TMEM130: variants seen among roughly 807,000 people sequenced by gnomAD.
TMEM130 encodes transmembrane protein 130.
Under a neutral mutation model 42.9 loss-of-function variants are expected in TMEM130, and 37 were observed. The ratio of observed to expected loss-of-function variants is 0.86; its 90% CI spans 0.66 to 1.13. The LOEUF (loss-of-function observed/expected upper bound fraction) is 1.13. Among genes scored for constraint, TMEM130 ranks in the 50% most tolerant of loss-of-function variants. TMEM130 has a pLI of 0.00. For missense variants in TMEM130, 545 were observed against 562.6 expected, an observed-to-expected ratio of 0.97 and a Z score of 0.32; for synonymous variants, 259 against 237.7, an observed-to-expected ratio of 1.09 and a Z score of -0.82.
chr7:98,869,271 C>G lies in TMEM130; in HGVS notation c.85+506G>C. Reference sequence around the variant, plus strand: ...ACCAGAGAGGAAATGGCAGCCTGGCCTCCTGGGCTCTAAATTCGCATCTCC... The same window carrying G: ...ACCAGAGAGGAAATGGCAGCCTGGCGTCCTGGGCTCTAAATTCGCATCTCC... On this transcript the variant is annotated intron_variant, in intron 1 of 7. Coordinates refer to ENST00000339375, the MANE Select transcript of TMEM130 (RefSeq NM_152913.3). The surrounding 1 kb of genome is among the most constrained non-coding windows in gnomAD (Gnocchi z 4.7). 1 of 1,288,558 alleles carries G rather than the reference C, an allele frequency of 7.8e-7. No individual in the cohort carries two copies. The highest frequency in any genetic ancestry group is 1.0e-6 in the Non-Finnish European group (1 of 988,562). 79.8% of individuals were successfully genotyped at this position (1,288,558 alleles called of 1,614,324 possible).
At chr7:98,850,250 C>CATATATATATATATAT (rs1179088568) in intron 6 of TMEM130, among the ~76,000 whole-genome samples, 7 of 64,354 alleles carry the variant, frequency 1.1e-4, no homozygotes, top group Admixed American at 4.3e-4. Flanking sequence ...CTGTCTCTCT[C>CATATATATATATATAT]ATATATATAT....
chr7:98,855,174 G>T, intron 5 of TMEM130, 66 bp downstream of exon 5: 1 of 1,429,324 alleles, frequency 7.0e-7, no homozygotes, highest in Non-Finnish European at 9.7e-7. Context: ...ACAGACTTGG[G>T]GTCATCGTGA....
intron 2 of TMEM130, among the ~76,000 whole-genome samples, chr7:98,860,737 G>A (rs1794752847): frequency 6.6e-6 from 1 of 151,902 alleles, no homozygotes; most frequent in Non-Finnish European, 1.5e-5. Context: ...AAGGTCAAGA[G>A]TTCAAGACCA....
chr7:98,850,267 A>ATTT (rs1161479294), intron 6 of TMEM130, among the ~76,000 whole-genome samples: 20 of 28,830 alleles, frequency 6.9e-4, no homozygotes, highest in Non-Finnish European at 1.4e-3. Flanking sequence ...ATATATATAT[A>ATTT]TATATATTTT....
In TMEM130 at chr7:98,869,933, G is replaced by C; in HGVS notation, c.-72C>G. 1 of 1,116,932 alleles carries C rather than the reference G, an allele frequency of 9.0e-7. No individual in the cohort carries two copies. Among genetic ancestry groups the C allele is most frequent in the Non-Finnish European group, 1.1e-6 (1 of 873,050 alleles). The allele number at this position is 1,116,932 out of a possible 1,614,324, so 69.2% of individuals were successfully genotyped here. ...GCAGCTGGAGCTCGAGAACTGCGGC[G>C]GTCGCTCCTCCGGGCGCGCAGCGCG... On this transcript the variant is annotated 5_prime_UTR_variant, in exon 1 of 8. Coordinates refer to ENST00000339375, the MANE Select transcript of TMEM130 (RefSeq NM_152913.3). This position sits in a 1 kb window ranked among gnomAD's most constrained non-coding sequence, Gnocchi z 4.7.
chr7:98,857,818 CGGTTCA>C (rs1794670576), intron 3 of TMEM130, among the ~76,000 whole-genome samples: 1 of 150,750 alleles, frequency 6.6e-6, no homozygotes, highest in Admixed American at 6.6e-5. Context: ...TCCTCCTACC[CGGTTCA>C]AACGATTCTC....
intron 6 of TMEM130, among the ~76,000 whole-genome samples, chr7:98,850,273 A>ATATATATATATATATATTTT: frequency 2.8e-5 from 1 of 35,450 alleles, no homozygotes; most frequent in Non-Finnish European, 6.3e-5. Context: ...ATATATATAT[A>ATATATATATATATATATTTT]TTTTTTTTTT....
At chr7:98,860,031 T>C (rs1433201797) in intron 3 of TMEM130, 148 bp downstream of exon 3, 11 of 599,574 alleles carry the variant, frequency 1.8e-5, no homozygotes, top group African/African-American at 1.6e-4. Context: ...ATGGTACTAC[T>C]GCACTCCAGC....
intron 5 of TMEM130, among the ~76,000 whole-genome samples, chr7:98,854,032 GTT>G (rs199894194): frequency 9.6e-6 from 1 of 104,480 alleles, no homozygotes; most frequent in South Asian, 4.2e-4. Flanking sequence ...TTGTTTTTTG[GTT>G]TTTTTTTGTT....
rs566383915 is a variant in TMEM130 at position 98,849,054 on chromosome 7, A to C, written c.1007-359T>G. Among the ~76,000 whole-genome samples the C allele has an allele frequency of 2.0e-5, 3 of 152,202 alleles. No homozygotes were observed. The South Asian group carries it at 6.2e-4, about 32-fold the overall frequency. On this transcript the variant is annotated intron_variant, in intron 6 of 7. Transcript: ENST00000339375. Reference sequence around the variant, plus strand: ...ATGACTCCTGAGTCTAAGCCATAAGAGACACCACAGCTCCCTCTTTGCTCT... The same window carrying C: ...ATGACTCCTGAGTCTAAGCCATAAGCGACACCACAGCTCCCTCTTTGCTCT...
At chr7:98,851,336 G>A (rs1794498728) in intron 6 of TMEM130, 85 bp downstream of exon 6, 1 of 1,391,932 alleles carries the variant, frequency 7.2e-7, no homozygotes, top group East Asian at 2.3e-5. Context: ...AGGCTGGCTG[G>A]TAGGAGCGTA....
In TMEM130 at chr7:98,860,164, G is replaced by T; in HGVS notation, c.551+15C>A. On this transcript the variant is annotated intron_variant, in intron 3 of 7. Transcript: ENST00000339375. ...CAGTGACAGCTGTAGGGCCTGCAGA[G>T]GGGTAAGGACCTACCCGTCCCCGAA... 6.2e-7 allele frequency: 1 copy of T among 1,608,586 alleles called. No individual in the cohort carries two copies. Among genetic ancestry groups the T allele is most frequent in the South Asian group, 1.1e-5 (1 of 89,904 alleles).
At chr7:98,858,734 C>T (rs1407951248) in intron 3 of TMEM130, among the ~76,000 whole-genome samples, 1 of 152,038 alleles carries the variant, frequency 6.6e-6, no homozygotes, top group Non-Finnish European at 1.5e-5. Context: ...TGCCTGTAAT[C>T]CCAGCCACTC....
At chr7:98,863,540 G>T in intron 1 of TMEM130, 140 bp from the exon 2 acceptor site, 1 of 780,526 alleles carries the variant, frequency 1.3e-6, no homozygotes, top group Non-Finnish European at 2.0e-6. Context: ...CTTGCCCAAG[G>T]GTCACTCAGC....
chr7:98,859,277 A>AG (rs1794701690), intron 3 of TMEM130, among the ~76,000 whole-genome samples: 3 of 151,682 alleles, frequency 2.0e-5, no homozygotes, highest in Admixed American at 2.0e-4. Flanking sequence ...TCCACCAAAA[A>AG]GGGGAAAAAA....
At position 98,861,295 on chromosome 7, in the gene TMEM130, G is replaced by A. The variant is rs532698267; in HGVS notation, c.392-957C>T. ...AGAGCTTGCAGTGAGTCGAGATCGC[G>A]CCACTGCACTCCAGCCTGGGTGACA... On this transcript the variant is annotated intron_variant, in intron 2 of 7. Coordinates refer to ENST00000339375, the MANE Select transcript of TMEM130 (RefSeq NM_152913.3). Among the ~76,000 whole-genome samples, 157 of 151,928 alleles carry A rather than the reference G, an allele frequency of 1.0e-3. 1 individual carries two copies. The highest frequency in any genetic ancestry group is 1.7e-3 in the Admixed American group (26 of 15,206).
chr7:98,863,512 C>T (rs971512552), intron 1 of TMEM130, 112 bp from the exon 2 acceptor site: 2 of 1,112,732 alleles, frequency 1.8e-6, no homozygotes. Context: ...GAAACTGAGG[C>T]TCAGGCAGCT....
At chr7:98,863,770 T>G (rs1185234001) in intron 1 of TMEM130, among the ~76,000 whole-genome samples, 1 of 148,596 alleles carries the variant, frequency 6.7e-6, no homozygotes, top group African/African-American at 2.6e-5. Flanking sequence ...CTTCCTTCCT[T>G]CCTCTCTCCC....
chr7:98,854,565 C>A (rs1488703183), intron 5 of TMEM130, among the ~76,000 whole-genome samples: 2 of 152,152 alleles, frequency 1.3e-5, no homozygotes, highest in Admixed American at 1.3e-4. Context: ...ATAGTGAGAA[C>A]CCATCTCTAC....
Sources: allele counts gnomAD v4.1 joint callset (sites outside exome capture counted in the v4.1 genomes callset), GRCh38; gene constraint gnomAD v4.1.1; non-coding constraint Gnocchi (gnomAD v3.1); transcripts MANE v1.5; gene names NCBI Gene and HGNC (gene_info 2026-07-23, HGNC 2026-07-21).